AIFM3: variants seen among roughly 807,000 people sequenced by gnomAD.
The protein encoded by AIFM3 is AIF family member 3, also known as apoptosis-inducing factor 3.
Under a neutral mutation model 82.7 loss-of-function variants are expected in AIFM3, and 71 were observed. The ratio of observed to expected loss-of-function variants is 0.86; its 90% confidence interval spans 0.71 to 1.05. The LOEUF (loss-of-function observed/expected upper bound fraction) is 1.05, where lower values mean the gene tolerates loss of function less well. Ranked by LOEUF, AIFM3 falls within the 50% of genes least tolerant of loss-of-function variation. The probability of loss-of-function intolerance (pLI) is 0.00; values close to 1 mark genes in which losing one functional copy is unlikely to be tolerated. For synonymous variants in AIFM3, 337 were observed against 329.1 expected, an observed-to-expected ratio of 1.02 and a Z score of -0.26; for missense variants, 748 against 816.7, an observed-to-expected ratio of 0.92 and a Z score of 1.03.
intron 18 of AIFM3, 109 bp downstream of exon 18, chr22:20,979,811 G>A: frequency 7.1e-7 from 1 of 1,407,680 alleles, no homozygotes; most frequent in Non-Finnish European, 9.9e-7. Flanking sequence ...GAGCCCCGCT[G>A]AGGAGTGCTG....
intron 14 of AIFM3, 155 bp downstream of exon 14, chr22:20,977,250 T>A: frequency 9.2e-7 from 1 of 1,084,208 alleles, no homozygotes; most frequent in Non-Finnish European, 1.3e-6. Context: ...TACGGAGCTG[T>A]TGGGGAAGGT....
chr22:20,976,481 C>G lies in AIFM3; in HGVS notation c.973C>G (p.Arg325Gly). 6.2e-7 allele frequency: 1 copy of G among 1,613,994 alleles called. No individual in the cohort carries two copies. Among genetic ancestry groups the G allele is most frequent in the Non-Finnish European group, 8.5e-7 (1 of 1,180,026 alleles). Residue 325 changes from arginine (R) to glycine (G), a missense_variant, in exon 11 of 21, where the codon CGC (arginine) becomes GGC (glycine). Transcript: ENST00000440238. ...TATCCGGACGCCAGAGGATGCCAAT[C>G]GCGTGGTGAGGCTGGCCCGAGGCCG... The part of the protein sequence containing the change: ...FTIRTPEDAN[R>G]VVRLARGRNV...
Position 20,980,025 on chromosome 22 carries a change from A to ACGAGGTGAT in AIFM3, c.1661_1669dup (p.Glu554_Ile556dup). On this transcript the variant is annotated inframe_insertion, in exon 19 of 21. Coordinates refer to ENST00000440238, the MANE Select transcript of AIFM3 (RefSeq NM_001386814.1). ...TGGCCATCCTCTCCTTGCAGAGGCG[A>ACGAGGTGAT]CGAGGTGATCGCCGTGGCCAGCATG... 6.2e-7 allele frequency: 1 copy of ACGAGGTGAT among 1,610,664 alleles called. No homozygotes were observed. Among genetic ancestry groups the ACGAGGTGAT allele is most frequent in the African/African-American group, 1.3e-5 (1 of 75,052 alleles).
In AIFM3 at chr22:20,967,907, T is replaced by A; in HGVS notation, c.-38T>A. 6.2e-7 allele frequency: 1 copy of A among 1,613,956 alleles called. No individual in the cohort carries two copies. On this transcript the variant is annotated 5_prime_UTR_variant, in exon 2 of 21. Coordinates refer to ENST00000440238, the MANE Select transcript of AIFM3 (RefSeq NM_001386814.1). Reference sequence around the variant, plus strand: ...CCTAGGCCTCCGACAGCTCCCCATCTGTGCTCCTGCCTGCCGGCCATCCTC... The same window carrying A: ...CCTAGGCCTCCGACAGCTCCCCATCAGTGCTCCTGCCTGCCGGCCATCCTC...
chr22:20,977,815 G>A, intron 15 of AIFM3, 39 bp downstream of exon 15: 1 of 1,614,028 alleles, frequency 6.2e-7, no homozygotes, highest in Non-Finnish European at 8.5e-7. Context: ...ACCCGGTGCT[G>A]GGCTGGGAGT....
At chr22:20,975,513 T>G (rs1923582554) in intron 8 of AIFM3, among the ~76,000 whole-genome samples, 179 bp from the exon 9 acceptor site, 1 of 152,188 alleles carries the variant, frequency 6.6e-6, no homozygotes, top group African/African-American at 2.4e-5. Flanking sequence ...CAAGCGATCC[T>G]CCTGTCTCAG....
At chr22:20,968,320 G>C (rs1183613783) in intron 2 of AIFM3, among the ~76,000 whole-genome samples, 2 of 152,166 alleles carry the variant, frequency 1.3e-5, no homozygotes, top group Non-Finnish European at 2.9e-5. Context: ...GGGGGAGCTG[G>C]GGACACGCTC....
Position 20,976,500 on chromosome 22 carries a change from G to A in AIFM3, c.992G>A (p.Arg331Gln), listed in dbSNP as rs181636008. 1.4e-5 allele frequency: 22 copies of A among 1,613,780 alleles called. No individual in the cohort carries two copies. The highest frequency in any genetic ancestry group is 6.7e-5 in the East Asian group (3 of 44,874). Residue 331 changes from arginine (R) to glutamine (Q), a missense_variant, in exon 11 of 21, where the codon CGA (arginine) becomes CAA (glutamine). Physicochemically the swap from Arg to Gln is conservative, Grantham distance 43 (BLOSUM62 1). Coordinates refer to ENST00000440238, the MANE Select transcript of AIFM3 (RefSeq NM_001386814.1). ...EDANRVVRLA[R>Q]GRNVVVVGAG... Reference sequence around the variant, plus strand: ...GCCAATCGCGTGGTGAGGCTGGCCCGAGGCCGCAACGTGGTCGTCGTGGGA... The same window carrying A: ...GCCAATCGCGTGGTGAGGCTGGCCCAAGGCCGCAACGTGGTCGTCGTGGGA...
chr22:20,969,802 C>A (rs866609641), intron 2 of AIFM3, among the ~76,000 whole-genome samples: 4 of 152,188 alleles, frequency 2.6e-5, no homozygotes, highest in Admixed American at 2.6e-4. Context: ...GCAGGTCAGG[C>A]ATGAGGCTCA....
Position 20,979,627 on chromosome 22 carries a change from G to A in AIFM3, c.1577G>A (p.Gly526Asp). 6 of 1,614,174 alleles carry A rather than the reference G, an allele frequency of 3.7e-6. No individual in the cohort carries two copies. The highest frequency in any genetic ancestry group is 5.1e-6 in the Non-Finnish European group (6 of 1,180,028). The change falls in exon 18 of 21, where the codon GGC becomes GAC. Residue 526 changes from glycine to aspartate, a missense_variant and splice_region_variant. Gly to Asp is a moderately conservative substitution (Grantham distance 94). Around this residue, in one of 5 missense-constraint regions of AIFM3, gnomAD observed 183 missense variants for 158.2 expected, o/e 1.16. Coordinates refer to ENST00000440238, the MANE Select transcript of AIFM3 (RefSeq NM_001386814.1). The part of the protein sequence containing the change: ...AMFGKSLRYA[G>D]YGEGFDDVII... ...TGCCACCCACCTGCCCGGCCCACAG[G>A]CTACGGAGAAGGCTTCGACGACGTC... is the stretch of plus-strand genomic sequence containing the variant.
Position 20,976,773 on chromosome 22 carries a change from C to G in AIFM3, c.1146+7C>G, listed in dbSNP as rs1455573878. ...GGGTCGTGCCCTCATGAAGGTGAGC[C>G]CACCCCAGCACCCAGTGCCTTGGAG... is the stretch of plus-strand genomic sequence containing the variant. On this transcript the variant is annotated splice_region_variant and intron_variant, in intron 12 of 20. Coordinates refer to ENST00000440238, the MANE Select transcript of AIFM3 (RefSeq NM_001386814.1). 1 of 1,611,490 alleles carries G rather than the reference C, an allele frequency of 6.2e-7. No homozygotes were observed. The highest frequency in any genetic ancestry group is 8.5e-7 in the Non-Finnish European group (1 of 1,178,762).
rs374539558 is a variant in AIFM3, at chr22:20,981,055, A to G, written c.*24A>G. 8.6e-5 allele frequency: 139 copies of G among 1,614,014 alleles called. No homozygotes were observed. The African/African-American group carries it at 1.6e-3, about 19-fold the overall frequency. ...GAGCTCACATGCAGTAGACTTGGGC[A>G]GGCAAAGGGGGCACCAAGGGCACAG... On this transcript the variant is annotated 3_prime_UTR_variant, in exon 21 of 21. Transcript: ENST00000440238.
chr22:20,965,552 G>A (rs978905885), upstream of AIFM3: 3 of 152,440 alleles, frequency 2.0e-5, no homozygotes, highest in Non-Finnish European at 4.4e-5. Context: ...TGCACGTGCA[G>A]AGGCGGGGAG....
In AIFM3 at chr22:20,976,558, G is replaced by A; in HGVS notation, c.1030+20G>A. 6.2e-7 allele frequency: 1 copy of A among 1,613,004 alleles called. No individual in the cohort carries two copies. Among genetic ancestry groups the A allele is most frequent in the Non-Finnish European group, 8.5e-7 (1 of 1,180,010 alleles). ...TCCTGGGTGAGAGGTAGTGGGCAGT[G>A]GAGATGGTGGTCAGGTCGTCATGGC... is the stretch of plus-strand genomic sequence containing the variant. On this transcript the variant is annotated intron_variant, in intron 11 of 20. Coordinates refer to ENST00000440238, the MANE Select transcript of AIFM3 (RefSeq NM_001386814.1).
rs779484199 is a variant in AIFM3 at position 20,973,415 on chromosome 22, G to A, written c.140G>A (p.Arg47His). 1.2e-6 allele frequency: 2 copies of A among 1,612,950 alleles called. No homozygotes were observed. Among genetic ancestry groups the A allele is most frequent in the Non-Finnish European group, 1.7e-6 (2 of 1,179,950 alleles). The change falls in exon 3 of 21, where the codon CGC becomes CAC. Residue 47 changes from arginine to histidine, a missense_variant. By Grantham distance (29) the Arg-to-His change is conservative. This residue lies in a region of AIFM3 where 148 missense variants were observed against 134.1 expected (regional missense o/e 1.10). Transcript: ENST00000440238. The stretch of plus-strand genomic sequence containing the variant: ...GCCTACCAGGGCAATGGCACGGCCC[G>A]CCACTTCCACACGGAGGAGCGCCTG... ...PRAYQGNGTA[R>H]HFHTEERLST...
chr22:20,977,188 G>A, intron 14 of AIFM3, 93 bp downstream of exon 14: 2 of 1,540,618 alleles, frequency 1.3e-6, no homozygotes, highest in Non-Finnish European at 1.8e-6. Context: ...CCCTCCCAGA[G>A]CCTCAGTTTC....
intron 2 of AIFM3, among the ~76,000 whole-genome samples, chr22:20,971,976 G>C (rs1442607789): frequency 6.6e-6 from 1 of 152,088 alleles, no homozygotes; most frequent in East Asian, 1.9e-4. Flanking sequence ...TGGGGGGGGG[G>C]GGCTGTGCCC....
intron 14 of AIFM3, 67 bp from the exon 15 acceptor site, chr22:20,977,633 A>G (rs2147947543): frequency 1.9e-6 from 3 of 1,589,872 alleles, no homozygotes; most frequent in Non-Finnish European, 2.6e-6. Flanking sequence ...CGCATGCTGT[A>G]GGGTGTGGAG....
chr22:20,977,215 T>G (rs1601707976), intron 14 of AIFM3, 120 bp downstream of exon 14: 1 of 1,371,396 alleles, frequency 7.3e-7, no homozygotes, highest in Non-Finnish European at 1.0e-6. Context: ...ATCTGTCAAA[T>G]GGGAACCCCC....
Sources: gnomAD v4.1 joint callset for allele counts (sites outside exome capture counted in the v4.1 genomes callset) on GRCh38, gnomAD v4.1.1 for gene constraint, gnomAD v4.1.1 regional missense constraint, MANE v1.5 for transcripts, NCBI Gene and HGNC (gene_info 2026-07-23, HGNC 2026-07-21) for gene names.